The following NUP153 variants were observed in gnomAD, a reference collection of about 807,000 sequenced individuals.
NUP153 encodes the protein nucleoporin 153, also known as nuclear pore complex protein Nup153.
Under a neutral mutation model 134.6 loss-of-function variants are expected in NUP153, and 27 were observed. The ratio of observed to expected loss-of-function variants is 0.20; its 90% CI spans 0.15 to 0.28. The LOEUF (loss-of-function observed/expected upper bound fraction) is 0.28. NUP153 is among the 10% of genes least tolerant of loss of function. NUP153 has a pLI of 1.00. For synonymous variants in NUP153, 640 were observed against 623.5 expected, an observed-to-expected ratio of 1.03 and a Z score of -0.40; for missense variants, 1,821 against 1,731.3, an observed-to-expected ratio of 1.05 and a Z score of -0.92.
rs1379694248 is a variant in NUP153 at position 17,688,458 on chromosome 6, T to C, written c.272A>G (p.Glu91Gly). Residue 91 changes from glutamate to glycine, a missense_variant, in exon 2 of 22, where the codon GAG becomes GGG. Physicochemically the swap from Glu to Gly is moderately conservative, Grantham distance 98 (BLOSUM62 -2). Transcript: ENST00000262077. Reference sequence around the variant, plus strand: ...CCCATCAGTAATATTAGAGCTCTCCTCATCGGCATATACCAGATGGTCCTC... The same window carrying C: ...CCCATCAGTAATATTAGAGCTCTCCCCATCGGCATATACCAGATGGTCCTC... ...NKEDHLVYAD[E>G]ESSNITDGRI... 3 of 1,614,058 alleles carry C rather than the reference T, an allele frequency of 1.9e-6. No individual in the cohort carries two copies. Among genetic ancestry groups the C allele is most frequent in the African/African-American group, 2.7e-5 (2 of 74,924 alleles).
chr6:17,660,046 T>A (rs953580000), intron 11 of NUP153, among the ~76,000 whole-genome samples: 1 of 152,172 alleles, frequency 6.6e-6, no homozygotes, highest in Non-Finnish European at 1.5e-5. Context: ...TCAATTTATA[T>A]GGCAGAAAGT....
At chr6:17,656,373 T>G (rs553729233) in intron 11 of NUP153, among the ~76,000 whole-genome samples, 5 of 152,224 alleles carry the variant, frequency 3.3e-5, no homozygotes, top group African/African-American at 9.6e-5. Flanking sequence ...TTGGCCAGAA[T>G]GAAGAGAAGA....
chr6:17,623,175 G>A (rs1488245790), intron 20 of NUP153, among the ~76,000 whole-genome samples: 7 of 151,048 alleles, frequency 4.6e-5, no homozygotes, highest in African/African-American at 1.7e-4. Flanking sequence ...AATGTTACCT[G>A]TGTGAAAGAA....
At position 17,675,281 on chromosome 6, in the gene NUP153, G is replaced by C; in HGVS notation, c.671C>G (p.Thr224Ser). The part of the protein sequence containing the change: ...RSHSLSQHTA[T>S]SSKKPAFNLS... ...GTTGAATGCTGGTTTTTTTGAGCTG[G>C]TGGCAGTGTGCTGTGAGAGTGAGTG... The change falls in exon 4 of 22, where the codon ACC becomes AGC. Residue 224 changes from threonine (T) to serine (S), a missense_variant. Thr to Ser is a moderately conservative substitution (Grantham distance 58). Coordinates refer to ENST00000262077, the MANE Select transcript of NUP153 (RefSeq NM_005124.4). The surrounding 1 kb of genome is among the most constrained non-coding windows in gnomAD (Gnocchi z 4.4). The C allele has an allele frequency of 6.2e-7, 1 of 1,614,144 alleles. No individual in the cohort carries two copies. Among genetic ancestry groups the C allele is most frequent in the Non-Finnish European group, 8.5e-7 (1 of 1,180,022 alleles).
chr6:17,649,643 T>A (rs1766403224), intron 11 of NUP153, among the ~76,000 whole-genome samples: 1 of 152,220 alleles, frequency 6.6e-6, no homozygotes, highest in South Asian at 2.1e-4. Flanking sequence ...CCAGTTTCCC[T>A]GACCCATGGT....
chr6:17,694,418 G>C (rs144475380), intron 1 of NUP153, among the ~76,000 whole-genome samples: 3 of 152,166 alleles, frequency 2.0e-5, no homozygotes, highest in African/African-American at 4.8e-5. Flanking sequence ...CAGCACTTCC[G>C]GAGGCCGACG....
chr6:17,618,557 T>TCC (rs1491081595), intron 20 of NUP153, among the ~76,000 whole-genome samples: 3 of 63,062 alleles, frequency 4.8e-5, no homozygotes, highest in African/African-American at 1.5e-4. Context: ...GAAGTTAAAA[T>TCC]CTCTCTTTTT....
intron 11 of NUP153, among the ~76,000 whole-genome samples, chr6:17,658,476 G>A (rs779442568): frequency 2.0e-5 from 3 of 152,102 alleles, no homozygotes; most frequent in Non-Finnish European, 2.9e-5. Context: ...CAAAGGAGAC[G>A]AGAGCCTTGA....
chr6:17,679,113 A>C lies in NUP153; in HGVS notation c.335-3343T>G, dbSNP rs532382289. Among the ~76,000 whole-genome samples, 9 of 152,282 alleles carry C rather than the reference A, an allele frequency of 5.9e-5. No individual in the cohort carries two copies. The South Asian group carries it at 1.9e-3, about 32-fold the overall frequency. On this transcript the variant is annotated intron_variant, in intron 2 of 21. Transcript: ENST00000262077. ...GAAACTACAACATAATAAAGTAAAA[A>C]AACATGTTTGCAGATGATATAATCT...
chr6:17,668,751 G>A (rs1047227394), intron 8 of NUP153, among the ~76,000 whole-genome samples: 2 of 151,854 alleles, frequency 1.3e-5, no homozygotes, highest in African/African-American at 4.8e-5. Context: ...GCTGGGGCAC[G>A]AGAATCGCTT....
chr6:17,643,960 T>C (rs759802312), intron 14 of NUP153, among the ~76,000 whole-genome samples: 31 of 152,092 alleles, frequency 2.0e-4, no homozygotes, highest in Non-Finnish European at 3.7e-4. Context: ...CTTGAATTAA[T>C]AGTTAACATT....
intron 1 of NUP153, among the ~76,000 whole-genome samples, chr6:17,693,079 C>T (rs1769380865): frequency 6.6e-6 from 1 of 151,772 alleles, no homozygotes; most frequent in Non-Finnish European, 1.5e-5. Context: ...CTAGTGTTTC[C>T]CAAACTTTAG....
chr6:17,625,717 G>A lies in NUP153; in HGVS notation c.3901+91C>T, dbSNP rs998232544. On this transcript the variant is annotated intron_variant, in intron 19 of 21. Transcript: ENST00000262077. The surrounding 1 kb of genome is among the most constrained non-coding windows in gnomAD (Gnocchi z 4.7). ...CCAAAAGGCATTCCCACCATTTTGT[G>A]ATAACCTGCTATATGATATTCGCTA... The A allele has an allele frequency of 4.1e-6, 4 of 986,068 alleles. No homozygotes were observed. The highest frequency in any genetic ancestry group is 6.2e-6 in the Non-Finnish European group (4 of 641,176). 61.1% of individuals were successfully genotyped at this position (986,068 alleles called of 1,614,324 possible).
chr6:17,663,183 T>C (rs1324867789), intron 9 of NUP153, among the ~76,000 whole-genome samples: 2 of 151,512 alleles, frequency 1.3e-5, no homozygotes, highest in Admixed American at 1.3e-4. Flanking sequence ...TTCATGAAAT[T>C]TTTCTTGCAA....
intron 12 of NUP153, 133 bp downstream of exon 12, chr6:17,649,030 T>C: frequency 2.4e-6 from 2 of 825,396 alleles, no homozygotes; most frequent in South Asian, 2.3e-5. Context: ...CAAAACAGCA[T>C]TTCCATTTCT....
At chr6:17,621,398 T>C (rs1242898003) in intron 20 of NUP153, among the ~76,000 whole-genome samples, 1 of 152,214 alleles carries the variant, frequency 6.6e-6, no homozygotes, top group South Asian at 2.1e-4. Flanking sequence ...AAGAGACACC[T>C]GTACCTGATG....
intron 1 of NUP153, among the ~76,000 whole-genome samples, chr6:17,693,380 G>A (rs956937380): frequency 6.6e-5 from 10 of 152,048 alleles, no homozygotes; most frequent in African/African-American, 2.4e-4. Context: ...AGTAAAGAGA[G>A]GTCTTTTTTT....
chr6:17,622,894 G>T (rs1159519840), intron 20 of NUP153, among the ~76,000 whole-genome samples: 1 of 152,122 alleles, frequency 6.6e-6, no homozygotes, highest in Non-Finnish European at 1.5e-5. Flanking sequence ...ACTGTGGGAG[G>T]CCGAGGTGGG....
At position 17,625,516 on chromosome 6, in the gene NUP153, C is replaced by T. The variant is rs370457297; in HGVS notation, c.3901+292G>A. ...CTGCACTCCAGCCTGGGTGACAGAG[C>T]AAGACTCCGTCTCGAAAGAAAACAA... On this transcript the variant is annotated intron_variant, in intron 19 of 21. Transcript: ENST00000262077. The surrounding 1 kb of genome is among the most constrained non-coding windows in gnomAD (Gnocchi z 4.7). 6.6e-6 allele frequency among the ~76,000 whole-genome samples: 1 copy of T among 152,172 alleles called. No homozygotes were observed. The highest frequency in any genetic ancestry group is 3.4e-3 in the Middle Eastern group (1 of 294).
Sources: gnomAD v4.1 joint callset for allele counts (sites outside exome capture counted in the v4.1 genomes callset) on GRCh38, gnomAD v4.1.1 for gene constraint, Gnocchi (gnomAD v3.1) non-coding constraint, MANE v1.5 for transcripts, NCBI Gene and HGNC (gene_info 2026-07-23, HGNC 2026-07-21) for gene names.